The following CNTN6 variants were observed in gnomAD, a reference collection of about 807,000 sequenced individuals.
The protein encoded by CNTN6 is contactin 6, also known as contactin-6.
In CNTN6, 137 loss-of-function variants were observed where a neutral mutation model predicts 122.8. That is an observed-to-expected ratio of 1.12 (90% CI 0.97 to 1.29). CNTN6 has a LOEUF of 1.29. Ranked by LOEUF, CNTN6 falls within the 50% of genes most tolerant of loss-of-function variation. The pLI, the probability that CNTN6 is intolerant of heterozygous loss-of-function variation, is 0.00. For synonymous variants in CNTN6, 570 were observed against 426.0 expected (o/e 1.34, Z -4.16); for missense variants, 1,634 against 1,223.4 (o/e 1.34, Z -5.01).
chr3:1,183,553 T>C (rs1368207152), intron 2 of CNTN6, among the ~76,000 whole-genome samples: 2 of 152,102 alleles, frequency 1.3e-5, no homozygotes, highest in Non-Finnish European at 2.9e-5. Context: ...ATCCTTGGCA[T>C]TACTTATTTT....
intron 1 of CNTN6, among the ~76,000 whole-genome samples, chr3:1,122,398 G>C (rs1215203987): frequency 7.0e-6 from 1 of 143,812 alleles, no homozygotes; most frequent in African/African-American, 2.9e-5. Flanking sequence ...AAGGAGGAAA[G>C]AAGGGGTTCT....
At chr3:1,222,562 T>A (rs569400628) in intron 3 of CNTN6, among the ~76,000 whole-genome samples, 2 of 118,348 alleles carry the variant, frequency 1.7e-5, no homozygotes, top group Non-Finnish European at 3.3e-5. Context: ...ATTAGTTTTA[T>A]CTGTGAAAAA....
chr3:1,282,008 ACAT>A (rs1693548193), intron 5 of CNTN6, among the ~76,000 whole-genome samples: 1 of 151,106 alleles, frequency 6.6e-6, no homozygotes, highest in African/African-American at 2.4e-5. Flanking sequence ...ACACACACAC[ACAT>A]AACTTTATAG....
At chr3:1,120,519 C>T (rs377654508) in intron 1 of CNTN6, among the ~76,000 whole-genome samples, 7 of 151,908 alleles carry the variant, frequency 4.6e-5, no homozygotes, top group East Asian at 1.9e-4. Context: ...AATATTTTGC[C>T]TATTTGCTTC....
intron 1 of CNTN6, among the ~76,000 whole-genome samples, chr3:1,143,726 C>A (rs969005738): frequency 6.6e-6 from 1 of 152,176 alleles, no homozygotes; most frequent in South Asian, 2.1e-4. Context: ...GCTATTTAGG[C>A]TAGCAGTATA....
chr3:1,307,185 G>A (rs1698498427), intron 7 of CNTN6, among the ~76,000 whole-genome samples: 2 of 152,102 alleles, frequency 1.3e-5, no homozygotes, highest in South Asian at 4.1e-4. Context: ...TTTCCTTCCA[G>A]ACTTTCAGTG....
At chr3:1,203,646 G>T (rs2093916427) in intron 2 of CNTN6, among the ~76,000 whole-genome samples, 1 of 152,200 alleles carries the variant, frequency 6.6e-6, no homozygotes, top group African/African-American at 2.4e-5. Context: ...ATGAAGCGTG[G>T]TTGATGGACT....
At chr3:1,211,664 A>T (rs1011370811) in intron 2 of CNTN6, among the ~76,000 whole-genome samples, 1 of 151,570 alleles carries the variant, frequency 6.6e-6, no homozygotes, top group Non-Finnish European at 1.5e-5. Context: ...TCTCTCTATC[A>T]TCTACTTATC....
intron 20 of CNTN6, among the ~76,000 whole-genome samples, chr3:1,388,041 C>A (rs527671443): frequency 6.6e-6 from 1 of 151,156 alleles, no homozygotes; most frequent in Admixed American, 6.6e-5. Flanking sequence ...CAGGAAGCTC[C>A]AACTGGGTGG....
intron 12 of CNTN6, among the ~76,000 whole-genome samples, chr3:1,362,932 G>A (rs995304820): frequency 4.0e-5 from 6 of 151,632 alleles, no homozygotes; most frequent in Non-Finnish European, 8.8e-5. Context: ...ACTAGCAGTT[G>A]ATATAACAAA....
intron 12 of CNTN6, among the ~76,000 whole-genome samples, chr3:1,355,971 C>T (rs1307105615): frequency 6.6e-6 from 1 of 151,764 alleles, no homozygotes; most frequent in African/African-American, 2.4e-5. Flanking sequence ...TCCATTCAAA[C>T]ATTGTGAGTG....
chr3:1,280,170 G>A lies in CNTN6; in HGVS notation c.454+1662G>A, dbSNP rs1309686089. 4.6e-5 allele frequency among the ~76,000 whole-genome samples: 7 copies of A among 151,998 alleles called. No homozygotes were observed. In the East Asian group the frequency reaches 1.2e-3, roughly 25 times the overall value. On this transcript the variant is annotated intron_variant, in intron 5 of 22. Transcript: ENST00000446702. ...AAATTGTTTTCAACTTTGTTTAATC[G>A]GGAATAAAAGAAATGTAAAATATTT...
At chr3:1,403,194 G>C (rs1695950414) in intron 22 of CNTN6, 124 bp from the exon 23 acceptor site, 2 of 600,596 alleles carry the variant, frequency 3.3e-6, no homozygotes, top group South Asian at 4.5e-5. Flanking sequence ...ATGTGAATGA[G>C]ACAAGTATAA....
intron 5 of CNTN6, among the ~76,000 whole-genome samples, chr3:1,285,949 A>C (rs73818540): frequency 0.042 from 6,387 of 152,148 alleles, 462 homozygotes; most frequent in African/African-American, 0.14. Context: ...GGCTCTTCCC[A>C]CTCTTCATAG....
intron 11 of CNTN6, among the ~76,000 whole-genome samples, chr3:1,350,854 T>C (rs931865713): frequency 4.6e-5 from 7 of 151,848 alleles, no homozygotes; most frequent in African/African-American, 1.7e-4. Flanking sequence ...GCTTCTCACA[T>C]TTACCTCTTA....
chr3:1,145,708 A>G (rs1217244146), intron 1 of CNTN6, among the ~76,000 whole-genome samples: 1 of 152,318 alleles, frequency 6.6e-6, no homozygotes. Flanking sequence ...TGCAAATTAA[A>G]TGACATCTAT....
intron 2 of CNTN6, among the ~76,000 whole-genome samples, chr3:1,180,666 T>A (rs1415252795): frequency 1.3e-5 from 2 of 152,240 alleles, no homozygotes; most frequent in Non-Finnish European, 2.9e-5. Context: ...AATGCAAGCT[T>A]ATTCATTTCA....
chr3:1,251,481 G>A (rs1210500617), intron 4 of CNTN6, among the ~76,000 whole-genome samples: 1 of 152,084 alleles, frequency 6.6e-6, no homozygotes, highest in Non-Finnish European at 1.5e-5. Context: ...TAACTCACTT[G>A]CTCATCACTT....
chr3:1,226,199 A>G (rs1353031674), intron 3 of CNTN6, among the ~76,000 whole-genome samples: 1 of 152,162 alleles, frequency 6.6e-6, no homozygotes, highest in Non-Finnish European at 1.5e-5. Context: ...AATTATGTAA[A>G]ATGTCATTTT....
Sources: gnomAD v4.1 joint callset for allele counts (sites outside exome capture counted in the v4.1 genomes callset) on GRCh38, gnomAD v4.1.1 for gene constraint, MANE v1.5 for transcripts, NCBI Gene and HGNC (gene_info 2026-07-23, HGNC 2026-07-21) for gene names.